The following NEB variants were observed in gnomAD, a reference collection of about 807,000 sequenced individuals.
NEB encodes nemaline myopathy type 2.
In NEB, 512 loss-of-function variants were observed where a neutral mutation model predicts 952.2. That is an observed-to-expected ratio of 0.54 (90% CI 0.50 to 0.58). NEB has a LOEUF of 0.58. Among genes scored for constraint, NEB ranks in the 20% least tolerant of loss-of-function variants. NEB has a pLI of 0.00. For missense variants in NEB, 8,428 were observed against 9,231.1 expected (o/e 0.91, Z 3.56); for synonymous variants, 2,900 against 3,149.8 (o/e 0.92, Z 2.66).
intron 54 of NEB, among the ~76,000 whole-genome samples, chr2:151,647,176 T>C (rs1047600184): frequency 5.9e-5 from 9 of 152,042 alleles, no homozygotes; most frequent in African/African-American, 2.2e-4. Context: ...AATGGTGCAG[T>C]CTTAGCTCAC....
At position 151,610,585 on chromosome 2, in the gene NEB, C is replaced by A. The variant is rs775058660; in HGVS notation, c.11949G>T (p.Lys3983Asn). 11 of 1,613,652 alleles carry A rather than the reference C, an allele frequency of 6.8e-6. No homozygotes were observed. In the African/African-American group the frequency reaches 1.5e-4, roughly 22 times the overall value. Residue 3983 changes from lysine to asparagine, a missense_variant, in exon 80 of 182, where the codon AAG becomes AAT. Around this residue, in one of 11 missense-constraint regions of NEB, gnomAD observed 337 missense variants for 297.5 expected, o/e 1.13. Transcript: ENST00000397345. ...TAGCATCTGCTCTCAGATCATAGTCCTTCATCTTTGATTCATCCCATCCCT... is the reference window on the plus strand; with the variant it reads ...TAGCATCTGCTCTCAGATCATAGTCATTCATCTTTGATTCATCCCATCCCT... ...YTKGWDESKM[K>N]DYDLRADAIS... is the part of the protein sequence containing the mutation.
intron 13 of NEB, among the ~76,000 whole-genome samples, chr2:151,706,541 CCTT>C (rs1339370817): frequency 6.6e-6 from 1 of 152,110 alleles, no homozygotes; most frequent in Admixed American, 6.5e-5. Flanking sequence ...TTGAAAGTCT[CCTT>C]CTGCTTCTGT....
intron 3 of NEB, 24 bp downstream of exon 3, chr2:151,733,097 C>T (rs1559740485): frequency 1.9e-6 from 3 of 1,587,102 alleles, no homozygotes; most frequent in Non-Finnish European, 2.6e-6. Flanking sequence ...AGTTTGCTGT[C>T]AGTGTTTTTT....
intron 29 of NEB, among the ~76,000 whole-genome samples, chr2:151,681,036 G>A (rs1315798742): frequency 6.6e-6 from 1 of 152,166 alleles, no homozygotes. Flanking sequence ...GTTTGGGACA[G>A]CACAGACACA....
chr2:151,690,167 T>A (rs140681231), intron 24 of NEB: 1 of 155,992 alleles, frequency 6.4e-6, no homozygotes, highest in African/African-American at 2.4e-5. Context: ...TGAGAAGCAC[T>A]GCTGTTTTCC....
Position 151,696,702 on chromosome 2 carries a change from A to G in NEB, c.1504T>C (p.Phe502Leu), listed in dbSNP as rs759653954. 4.2e-5 allele frequency: 67 copies of G among 1,613,682 alleles called. No homozygotes were observed. Among genetic ancestry groups the G allele is most frequent in the Non-Finnish European group, 5.2e-5 (61 of 1,179,796 alleles). Residue 502 changes from phenylalanine to leucine, a missense_variant, in exon 17 of 182, where the codon TTC (phenylalanine) becomes CTC (leucine). Around this residue, in one of 11 missense-constraint regions of NEB, gnomAD observed 2,851 missense variants for 2,791.5 expected, o/e 1.02. Coordinates refer to ENST00000397345, the MANE Select transcript of NEB (RefSeq NM_001164508.2). Reference sequence around the variant, plus strand: ...ACAGGAGAGTCTGTAACTTGGGTGAATTTTGTCTTATCTGGATGGACTTTG... The same window carrying G: ...ACAGGAGAGTCTGTAACTTGGGTGAGTTTTGTCTTATCTGGATGGACTTTG... ...TYKVHPDKTK[F>L]TQVTDSPVLL...
At chr2:151,507,937 T>G in intron 162 of NEB, 68 bp downstream of exon 162, 2 of 1,116,446 alleles carry the variant, frequency 1.8e-6, no homozygotes, top group Non-Finnish European at 2.7e-6. Flanking sequence ...GCCTGGGATA[T>G]CCAGAGGCAT....
At position 151,512,764 on chromosome 2, in the gene NEB, T is replaced by A. The variant is rs776379234; in HGVS notation, c.23315A>T (p.His7772Leu). The A allele has an allele frequency of 1.2e-6, 2 of 1,613,888 alleles. No individual in the cohort carries two copies. Among genetic ancestry groups the A allele is most frequent in the South Asian group, 1.1e-5 (1 of 91,054 alleles). The stretch of plus-strand genomic sequence containing the variant: ...TGAAAGATTCTTGACTTGTTGGGCA[T>A]GAATGATCTCTGGAGTATCAACCAC... ...TSVVDTPEII[H>L]AQQVKNLSSQ... Residue 7772 changes from histidine to leucine, a missense_variant, in exon 161 of 182, where the codon CAT (histidine) becomes CTT (leucine). This residue lies in a region of NEB where 3,374 missense variants were observed against 3,651.5 expected (regional missense o/e 0.92). Transcript: ENST00000397345.
intron 161 of NEB, among the ~76,000 whole-genome samples, chr2:151,509,753 G>A (rs939352040): frequency 6.6e-6 from 1 of 152,104 alleles, no homozygotes; most frequent in Non-Finnish European, 1.5e-5. Flanking sequence ...TCAGGCTTCC[G>A]AGTAGCTGGG....
intron 141 of NEB, 39 bp from the exon 142 acceptor site, chr2:151,535,834 T>C (rs755078182): frequency 9.8e-6 from 11 of 1,125,046 alleles, no homozygotes; most frequent in Non-Finnish European, 1.4e-5. Flanking sequence ...CAGCAGGCTA[T>C]GATTATCTTA....
chr2:151,668,891 G>C, intron 39 of NEB, 136 bp downstream of exon 39: 1 of 602,072 alleles, frequency 1.7e-6, no homozygotes, highest in South Asian at 2.9e-5. Context: ...GGCTCATGTT[G>C]CATGGTTAAG....
intron 18 of NEB, 39 bp from the exon 19 acceptor site, chr2:151,694,668 A>T (rs2099582704): frequency 6.7e-7 from 1 of 1,503,286 alleles, no homozygotes. Context: ...GGCAAAAGTG[A>T]TATGCATGTC....
At chr2:151,496,657 T>A (rs1484173618) in intron 172 of NEB, among the ~76,000 whole-genome samples, 1 of 152,082 alleles carries the variant, frequency 6.6e-6, no homozygotes, top group Non-Finnish European at 1.5e-5. Context: ...AACAATCACA[T>A]GAGGATTTGA....
At chr2:151,567,141 G>T in intron 114 of NEB, 27 bp downstream of exon 114, 1 of 1,538,778 alleles carries the variant, frequency 6.5e-7, no homozygotes. Flanking sequence ...TGCGTTTCTA[G>T]ATAATGAAGA....
chr2:151,505,417 C>G (rs2153168817), intron 165 of NEB, 61 bp downstream of exon 165: 1 of 1,367,146 alleles, frequency 7.3e-7, no homozygotes, highest in Non-Finnish European at 1.0e-6. Context: ...TGAGAGAGCA[C>G]CAGGGTAGCA....
intron 85 of NEB, among the ~76,000 whole-genome samples, chr2:151,604,280 A>T (rs1318467812): frequency 8.6e-6 from 1 of 115,750 alleles, no homozygotes; most frequent in Non-Finnish European, 1.7e-5. Flanking sequence ...TATGTATATG[A>T]TTATGCAAAG....
intron 145 of NEB, among the ~76,000 whole-genome samples, chr2:151,530,237 C>A (rs1390360626): frequency 6.6e-6 from 1 of 152,056 alleles, no homozygotes; most frequent in Non-Finnish European, 1.5e-5. Context: ...TGGAGACATA[C>A]CTAGCAAGTT....
chr2:151,658,089 T>C lies in NEB; in HGVS notation c.6077A>G (p.Lys2026Arg), dbSNP rs2099105851. ...CTCTTCCAAGGAAAGTTTGTAGAGTTTCTGTAAAGAGAGGCAAAGGGAAGA... is the reference window on the plus strand; with the variant it reads ...CTCTTCCAAGGAAAGTTTGTAGAGTCTCTGTAAAGAGAGGCAAAGGGAAGA... ...AKANAINMSDKLYKLSLEESK... is the reference protein window; with the variant it reads ...AKANAINMSDRLYKLSLEESK... The change falls in exon 48 of 182, where the codon AAA (lysine) becomes AGA (arginine). Residue 2026 changes from lysine to arginine, a missense_variant and splice_region_variant. Lys to Arg is a conservative substitution (Grantham distance 26). Transcript: ENST00000397345. 2 of 1,582,302 alleles carry C rather than the reference T, an allele frequency of 1.3e-6. No homozygotes were observed.
In NEB at chr2:151,678,047, C is replaced by A; in HGVS notation, c.3396G>T (p.Lys1132Asn). 1 of 1,613,892 alleles carries A rather than the reference C, an allele frequency of 6.2e-7. No individual in the cohort carries two copies. The highest frequency in any genetic ancestry group is 1.1e-5 in the South Asian group (1 of 91,080). ...GGGGCGTGTTGTATTTGGACTTTGT[C>A]TTCTCATAGTCTTTTTTATACTCCC... is the stretch of plus-strand genomic sequence containing the variant. ...SDREYKKDYE[K>N]TKSKYNTPHD... The change falls in exon 33 of 182, where the codon AAG (lysine) becomes AAT (asparagine). Residue 1132 changes from lysine to asparagine, a missense_variant. Physicochemically the swap from Lys to Asn is moderately conservative, Grantham distance 94. Transcript: ENST00000397345.
Sources: allele counts gnomAD v4.1 joint callset (sites outside exome capture counted in the v4.1 genomes callset), GRCh38; gene constraint gnomAD v4.1.1; regional missense constraint gnomAD v4.1.1; transcripts MANE v1.5; gene names NCBI Gene and HGNC (gene_info 2026-07-23, HGNC 2026-07-21).